PAK2: variants seen among roughly 807,000 people sequenced by gnomAD.
PAK2 encodes the protein p21 (RAC1) activated kinase 2.
Under a neutral mutation model 65.9 loss-of-function variants are expected in PAK2, and 21 were observed. The observed-to-expected ratio is 0.32, with a 90% CI of 0.23 to 0.46. The LOEUF (loss-of-function observed/expected upper bound fraction) is 0.46. Ranked by LOEUF, PAK2 falls within the 20% of genes least tolerant of loss-of-function variation. The probability of loss-of-function intolerance (pLI) is 1.00; values close to 1 mark genes in which losing one functional copy is unlikely to be tolerated. For synonymous variants in PAK2, 204 were observed against 219.7 expected (o/e 0.93, Z 0.63); for missense variants, 324 against 642.6 (o/e 0.50, Z 5.36).
At chr3:196,788,221 A>G (rs1291051691) in intron 2 of PAK2, among the ~76,000 whole-genome samples, 1 of 152,240 alleles carries the variant, frequency 6.6e-6, no homozygotes, top group Admixed American at 6.5e-5. Context: ...TTGAAACAGA[A>G]GAGTCTAAAA....
chr3:196,745,566 C>A (rs1343814805), intron 1 of PAK2, among the ~76,000 whole-genome samples: 1 of 152,144 alleles, frequency 6.6e-6, no homozygotes, highest in Non-Finnish European at 1.5e-5. Flanking sequence ...GTAATCCCAG[C>A]ACTTTGGGAG....
chr3:196,804,671 T>C (rs1446997259), intron 4 of PAK2, among the ~76,000 whole-genome samples: 1 of 152,060 alleles, frequency 6.6e-6, no homozygotes, highest in Non-Finnish European at 1.5e-5. Flanking sequence ...TTCTCCATGT[T>C]GGTCAGGCTG....
At chr3:196,787,436 A>G (rs1714926634) in intron 2 of PAK2, among the ~76,000 whole-genome samples, 1 of 151,984 alleles carries the variant, frequency 6.6e-6, no homozygotes. Context: ...AAAATTAGCC[A>G]GGCATGGTGG....
intron 7 of PAK2, 95 bp from the exon 8 acceptor site, chr3:196,810,495 T>C: frequency 9.4e-6 from 7 of 745,110 alleles, no homozygotes; most frequent in Non-Finnish European, 4.7e-6. Flanking sequence ...AAATCACTTA[T>C]AAAAACAGTG....
intron 1 of PAK2, among the ~76,000 whole-genome samples, chr3:196,746,914 G>T (rs1019682413): frequency 6.7e-6 from 1 of 148,606 alleles, no homozygotes; most frequent in Non-Finnish European, 1.5e-5. Flanking sequence ...TTGATAATTC[G>T]TATTTCCTAG....
chr3:196,805,309 C>T, intron 4 of PAK2, 43 bp from the exon 5 acceptor site: 1 of 1,051,110 alleles, frequency 9.5e-7, no homozygotes. Context: ...TATAAAAGTG[C>T]TGTTTCTTGA....
Position 196,820,396 on chromosome 3 carries a change from C to A in PAK2, c.1179C>A (p.Ile393=), listed in dbSNP as rs1711608326. 1.3e-6 allele frequency: 2 copies of A among 1,579,488 alleles called. No individual in the cohort carries two copies. Among genetic ancestry groups the A allele is most frequent in the African/African-American group, 1.4e-5 (1 of 73,652 alleles). The change falls in exon 13 of 15, where the codon ATC becomes ATA. Residue 393 remains isoleucine (I), a synonymous_variant. Coordinates refer to ENST00000327134, the MANE Select transcript of PAK2 (RefSeq NM_002577.4). The surrounding 1 kb of genome is among the most constrained non-coding windows in gnomAD (Gnocchi z 4.6). Reference sequence around the variant, plus strand: ...CTGACTTTGGTTTCTGTGCCCAGATCACCCCTGAGCAGAGCAAACGCAGTA... The same window carrying A: ...CTGACTTTGGTTTCTGTGCCCAGATAACCCCTGAGCAGAGCAAACGCAGTA... ...KLTDFGFCAQ[I]TPEQSKRSTM...
chr3:196,829,726 G>A lies in PAK2; in HGVS notation c.*1321G>A, dbSNP rs1454282863. ...GATGAATTTATAGATCATTTGAGATGTTGAGTTACTTTAGTTTAGTTTTGT... is the reference window on the plus strand; with the variant it reads ...GATGAATTTATAGATCATTTGAGATATTGAGTTACTTTAGTTTAGTTTTGT... On this transcript the variant is annotated 3_prime_UTR_variant, in exon 15 of 15. Transcript: ENST00000327134. 1 of 152,292 alleles carries A rather than the reference G, an allele frequency of 6.6e-6. No individual in the cohort carries two copies. Among genetic ancestry groups the A allele is most frequent in the East Asian group, 1.9e-4 (1 of 5,188 alleles). The allele number at this position is 152,292 out of a possible 1,614,324, so 9.4% of individuals were successfully genotyped here. A position where few individuals can be genotyped will look rare whatever the true frequency, so the allele number is the denominator to read the frequency against.
At chr3:196,783,421 A>G (rs914699753) in intron 2 of PAK2, among the ~76,000 whole-genome samples, 5 of 152,024 alleles carry the variant, frequency 3.3e-5, no homozygotes, top group Non-Finnish European at 5.9e-5. Context: ...AATTACTCCA[A>G]TTAAGAATCA....
At chr3:196,751,663 T>TATATATATATGTATATATATATATA (rs1713589849) in intron 1 of PAK2, among the ~76,000 whole-genome samples, 1 of 45,748 alleles carries the variant, frequency 2.2e-5, no homozygotes, top group Non-Finnish European at 4.0e-5. Flanking sequence ...ACACACAAAT[T>TATATATATATGTATATATATATATA]TATTTATATA....
chr3:196,797,470 T>C (rs1464599679), intron 2 of PAK2, among the ~76,000 whole-genome samples: 1 of 146,422 alleles, frequency 6.8e-6, no homozygotes, highest in Non-Finnish European at 1.5e-5. Context: ...CTCAAAATAA[T>C]AGGCTGGGCG....
chr3:196,792,232 TATAATC>T (rs779141126), intron 2 of PAK2, among the ~76,000 whole-genome samples: 2 of 152,136 alleles, frequency 1.3e-5, no homozygotes, highest in African/African-American at 2.4e-5. Context: ...AAAGAACACA[TATAATC>T]ATAGTACATT....
chr3:196,808,416 C>T (rs1342482374), intron 7 of PAK2, among the ~76,000 whole-genome samples: 1 of 151,686 alleles, frequency 6.6e-6, no homozygotes, highest in Non-Finnish European at 1.5e-5. Context: ...CAAAAATCAG[C>T]TGGGCATGGT....
intron 1 of PAK2, among the ~76,000 whole-genome samples, chr3:196,770,427 G>A (rs1714324704): frequency 6.6e-6 from 1 of 151,790 alleles, no homozygotes; most frequent in African/African-American, 2.4e-5. Flanking sequence ...AGGATCAGGT[G>A]GGAGGATTGC....
At position 196,828,657 on chromosome 3, in the gene PAK2, A is replaced by C. The variant is rs957037316; in HGVS notation, c.*252A>C. ...ACTAGCCTTAGGTCTTTCAGCAAAC[A>C]GCCTATCAGGGCCATTTATCATGTG... On this transcript the variant is annotated 3_prime_UTR_variant, in exon 15 of 15. Coordinates refer to ENST00000327134, the MANE Select transcript of PAK2 (RefSeq NM_002577.4). 5.6e-5 allele frequency: 24 copies of C among 432,382 alleles called. No individual in the cohort carries two copies. The highest frequency in any genetic ancestry group is 3.6e-4 in the Admixed American group (8 of 22,200). 26.8% of individuals were successfully genotyped at this position (432,382 alleles called of 1,614,324 possible). A position where few individuals can be genotyped will look rare whatever the true frequency, so the allele number is the denominator to read the frequency against.
intron 1 of PAK2, among the ~76,000 whole-genome samples, chr3:196,742,886 C>T (rs1224274260): frequency 6.6e-6 from 1 of 152,212 alleles, no homozygotes; most frequent in Non-Finnish European, 1.5e-5. Flanking sequence ...CGCCACTGCA[C>T]TCCCGCCTGG....
chr3:196,777,246 C>G (rs1005459441), intron 1 of PAK2, among the ~76,000 whole-genome samples: 19 of 152,120 alleles, frequency 1.2e-4, no homozygotes, highest in African/African-American at 4.6e-4. Context: ...CTCTGTCACC[C>G]AGGCTGGAGT....
At chr3:196,811,192 T>G (rs558548264) in intron 8 of PAK2, among the ~76,000 whole-genome samples, 2 of 117,224 alleles carry the variant, frequency 1.7e-5, no homozygotes, top group Non-Finnish European at 3.7e-5. Flanking sequence ...TCCATATGAA[T>G]TCCTTCCTCC....
intron 1 of PAK2, among the ~76,000 whole-genome samples, chr3:196,773,593 A>AGGCC (rs749407264): frequency 1.6e-4 from 25 of 152,122 alleles, no homozygotes; most frequent in Non-Finnish European, 3.1e-4. Context: ...AAACAAGTTC[A>AGGCC]GGCCGGGCAC....
Sources: allele counts gnomAD v4.1 joint callset (sites outside exome capture counted in the v4.1 genomes callset), GRCh38; gene constraint gnomAD v4.1.1; non-coding constraint Gnocchi (gnomAD v3.1); transcripts MANE v1.5; gene names NCBI Gene and HGNC (gene_info 2026-07-23, HGNC 2026-07-21).